The following SHISAL1 variants were observed in gnomAD, a reference collection of about 807,000 sequenced individuals.
SHISAL1 encodes protein shisa-like-1.
SHISAL1 carries 9 observed loss-of-function variants against 22.6 expected under a neutral mutation model. That is an observed-to-expected ratio of 0.40 (90% CI 0.24 to 0.70). The LOEUF (loss-of-function observed/expected upper bound fraction) is 0.70. Among genes scored for constraint, SHISAL1 ranks in the 30% least tolerant of loss-of-function variants. The probability of loss-of-function intolerance (pLI) is 0.39; values close to 1 mark genes in which losing one functional copy is unlikely to be tolerated. For synonymous variants in SHISAL1, 119 were observed against 115.4 expected (o/e 1.03, Z -0.20); for missense variants, 246 against 270.6 (o/e 0.91, Z 0.64).
At chr22:44,252,307 G>C (rs913070388) in intron 4 of SHISAL1, among the ~76,000 whole-genome samples, 4 of 152,164 alleles carry the variant, frequency 2.6e-5, no homozygotes, top group African/African-American at 9.7e-5. Flanking sequence ...GGAGACAAGA[G>C]GAGGGGAAGT....
At position 44,290,261 on chromosome 22, in the gene SHISAL1, G is replaced by A. The variant is rs141785500; in HGVS notation, c.282-4516C>T. Among the ~76,000 whole-genome samples, 796 of 152,286 alleles carry A rather than the reference G, an allele frequency of 5.2e-3. 5 individuals are homozygous for A. The highest frequency in any genetic ancestry group is 0.018 in the African/African-American group (765 of 41,560). On this transcript the variant is annotated intron_variant, in intron 3 of 4. Transcript: ENST00000381176. ...GGGAGTATGGCCTGCTGGGTGCAGT[G>A]GCTCACACCTGTAATCCCAGCACTC...
rs572318115 is a variant in SHISAL1, at chr22:44,244,418, T to C, written c.*5267A>G. The stretch of plus-strand genomic sequence containing the variant: ...TGTCGTGAATGGTGCCTCCTGGAGG[T>C]GAACCCTGCAGCAGCCCCGGATTTC... On this transcript the variant is annotated 3_prime_UTR_variant, in exon 5 of 5. Transcript: ENST00000381176. The C allele has an allele frequency of 2.6e-5, 4 of 152,214 alleles. 1 individual carries two copies. Among genetic ancestry groups the C allele is most frequent in the African/African-American group, 9.6e-5 (4 of 41,532 alleles). 9.4% of individuals were successfully genotyped at this position (152,214 alleles called of 1,614,324 possible).
intron 2 of SHISAL1, among the ~76,000 whole-genome samples, chr22:44,299,809 CAGACAT>C (rs1260580231): frequency 2.0e-5 from 3 of 150,140 alleles, no homozygotes; most frequent in Non-Finnish European, 3.0e-5. Flanking sequence ...AAGACAGAGG[CAGACAT>C]AGACAGAGAC....
the SHISAL1 span, among the ~76,000 whole-genome samples, chr22:44,324,325 G>A: frequency 8.5e-5 from 13 of 152,164 alleles, no homozygotes; most frequent in Non-Finnish European, 8.8e-5. Context: ...CAGTTGCCAT[G>A]GTGCTGGGTA....
upstream of SHISAL1, among the ~76,000 whole-genome samples, chr22:44,317,895 C>A (rs2055568141): frequency 6.6e-6 from 1 of 152,258 alleles, no homozygotes; most frequent in African/African-American, 2.4e-5. Context: ...ACTTTGGAAG[C>A]AACAGGATGG....
intron 3 of SHISAL1, among the ~76,000 whole-genome samples, chr22:44,288,922 C>T (rs1397501350): frequency 6.6e-6 from 1 of 152,334 alleles, no homozygotes; most frequent in Non-Finnish European, 1.5e-5. Context: ...ATTGGGAGGG[C>T]CCTGAAGGCG....
chr22:44,317,245 G>C (rs1286758509), upstream of SHISAL1, among the ~76,000 whole-genome samples: 1 of 152,212 alleles, frequency 6.6e-6, no homozygotes, highest in African/African-American at 2.4e-5. Context: ...GGCCAGGATG[G>C]AAGGACGTGC....
chr22:44,317,933 G>A (rs1287440470), upstream of SHISAL1, among the ~76,000 whole-genome samples: 1 of 152,266 alleles, frequency 6.6e-6, no homozygotes, highest in Non-Finnish European at 1.5e-5. Flanking sequence ...CCTGTCTGCT[G>A]AGCACGGGGC....
the SHISAL1 span, among the ~76,000 whole-genome samples, chr22:44,323,686 T>TCCAC: frequency 3.4e-4 from 50 of 149,146 alleles, 1 homozygote; most frequent in African/African-American, 1.2e-3. Flanking sequence ...CATCCATCCA[T>TCCAC]CCATCTATCA....
intron 4 of SHISAL1, among the ~76,000 whole-genome samples, chr22:44,254,039 AAG>A (rs2055068019): frequency 6.6e-6 from 1 of 152,222 alleles, no homozygotes; most frequent in Admixed American, 6.5e-5. Context: ...CTTTGCCACC[AAG>A]AGGTCTATAA....
chr22:44,301,696 C>T (rs181486021), intron 1 of SHISAL1, among the ~76,000 whole-genome samples: 4 of 152,088 alleles, frequency 2.6e-5, no homozygotes, highest in Non-Finnish European at 5.9e-5. Flanking sequence ...AAAGGTGGCC[C>T]GTCACACAAT....
chr22:44,290,621 A>G lies in SHISAL1; in HGVS notation c.282-4876T>C, dbSNP rs199937811. Among the ~76,000 whole-genome samples the G allele has an allele frequency of 9.9e-5, 15 of 151,968 alleles. No individual in the cohort carries two copies. The East Asian group carries it at 2.9e-3, about 29-fold the overall frequency. Reference sequence around the variant, plus strand: ...GACAAGGTGGATGACTCTGGCGACTAAGGTGTGGGCTCAAGACGTCAAGGC... The same window carrying G: ...GACAAGGTGGATGACTCTGGCGACTGAGGTGTGGGCTCAAGACGTCAAGGC... On this transcript the variant is annotated intron_variant, in intron 3 of 4. Coordinates refer to ENST00000381176, the MANE Select transcript of SHISAL1 (RefSeq NM_001099294.2).
chr22:44,327,237 C>CGT, the SHISAL1 span, among the ~76,000 whole-genome samples: 2 of 106,232 alleles, frequency 1.9e-5, no homozygotes, highest in African/African-American at 7.0e-5. Flanking sequence ...GAGTGGGGGG[C>CGT]GCGCACACAC....
intron 4 of SHISAL1, among the ~76,000 whole-genome samples, chr22:44,258,099 C>G (rs1376112744): frequency 6.6e-6 from 1 of 152,136 alleles, no homozygotes; most frequent in East Asian, 1.9e-4. Context: ...GAGATCATGC[C>G]ATTGCACTCC....
intron 4 of SHISAL1, among the ~76,000 whole-genome samples, chr22:44,258,094 C>T (rs1446763987): frequency 2.6e-5 from 4 of 152,098 alleles, no homozygotes; most frequent in Admixed American, 2.6e-4. Context: ...GAGCTGAGAT[C>T]ATGCCATTGC....
intron 4 of SHISAL1, among the ~76,000 whole-genome samples, chr22:44,284,479 C>T (rs2055297564): frequency 6.6e-6 from 1 of 152,146 alleles, no homozygotes; most frequent in African/African-American, 2.4e-5. Context: ...CAAACTCCTG[C>T]ACCCCTCCAG....
At chr22:44,252,277 C>T (rs925839655) in intron 4 of SHISAL1, among the ~76,000 whole-genome samples, 1 of 146,846 alleles carries the variant, frequency 6.8e-6, no homozygotes, top group Admixed American at 6.7e-5. Context: ...ATATAGTCAA[C>T]TAAAATAACT....
At chr22:44,313,310 C>A (rs948108614), upstream of SHISAL1, among the ~76,000 whole-genome samples, 5 of 152,238 alleles carry the variant, frequency 3.3e-5, no homozygotes, top group Non-Finnish European at 7.3e-5. Context: ...AGGTCAGTGG[C>A]ACCACTGCAC....
At chr22:44,266,591 A>AG (rs1266779142) in intron 4 of SHISAL1, among the ~76,000 whole-genome samples, 12 of 136,476 alleles carry the variant, frequency 8.8e-5, no homozygotes, top group East Asian at 2.2e-4. Context: ...TGTGTGTTGG[A>AG]GGCTCTGGTG....
Sources: allele counts gnomAD v4.1 joint callset (sites outside exome capture counted in the v4.1 genomes callset), GRCh38; gene constraint gnomAD v4.1.1; transcripts MANE v1.5; gene names NCBI Gene and HGNC (gene_info 2026-07-23, HGNC 2026-07-21).